Variants in ANTXR2 observed in about 807,000 individuals in gnomAD.
The protein encoded by ANTXR2 is ANTXR cell adhesion molecule 2.
ANTXR2 carries 44 observed loss-of-function variants against 73.7 expected under a neutral mutation model. That is an observed-to-expected ratio of 0.60 (90% CI 0.47 to 0.77). The LOEUF (loss-of-function observed/expected upper bound fraction) is 0.77, where lower values mean the gene tolerates loss of function less well. Ranked by LOEUF, ANTXR2 falls within the 30% of genes least tolerant of loss-of-function variation. The pLI, the probability that ANTXR2 is intolerant of heterozygous loss-of-function variation, is 0.00. For synonymous variants in ANTXR2, 217 were observed against 205.9 expected, an observed-to-expected ratio of 1.05 and a Z score of -0.46; for missense variants, 604 against 592.5, an observed-to-expected ratio of 1.02 and a Z score of -0.20.
intron 16 of ANTXR2, among the ~76,000 whole-genome samples, chr4:79,913,554 C>T (rs1727228140): frequency 1.3e-5 from 2 of 151,974 alleles, no homozygotes. Context: ...AACTTTTAAC[C>T]ACATACCCAA....
intron 4 of ANTXR2, 142 bp downstream of exon 4, chr4:80,055,790 C>T (rs949901483): frequency 3.0e-6 from 2 of 662,186 alleles, no homozygotes; most frequent in Admixed American, 3.6e-5. Flanking sequence ...TTCTACTTGT[C>T]TCAACTCTGG....
intron 16 of ANTXR2, among the ~76,000 whole-genome samples, chr4:79,975,005 T>A (rs72653279): frequency 0.07 from 10,586 of 152,280 alleles, 451 homozygotes; most frequent in Middle Eastern, 0.11. Flanking sequence ...TGCATCATTT[T>A]AAAAACTAAA....
At chr4:80,033,697 A>T (rs1263656330) in intron 8 of ANTXR2, 127 bp from the exon 9 acceptor site, 6 of 661,830 alleles carry the variant, frequency 9.1e-6, no homozygotes, top group Non-Finnish European at 1.5e-5. Context: ...AACTAATAGC[A>T]ATGAAGACAT....
chr4:80,064,492 C>T (rs1004429532), intron 3 of ANTXR2, among the ~76,000 whole-genome samples: 1 of 152,044 alleles, frequency 6.6e-6, no homozygotes, highest in Non-Finnish European at 1.5e-5. Flanking sequence ...GGGAGCAAGA[C>T]AAATGAGGAC....
chr4:79,960,857 C>T (rs972599254), intron 16 of ANTXR2, among the ~76,000 whole-genome samples: 3 of 151,706 alleles, frequency 2.0e-5, no homozygotes. Context: ...ATATTAGCTT[C>T]TATGTTATAC....
chr4:80,024,595 T>C (rs556216917), intron 10 of ANTXR2: 27 of 369,386 alleles, frequency 7.3e-5, no homozygotes, highest in African/African-American at 5.5e-4. Context: ...ACCCTGTCTA[T>C]ACAAAATGTA....
At chr4:80,058,323 T>C (rs1734095818) in intron 3 of ANTXR2, among the ~76,000 whole-genome samples, 1 of 152,054 alleles carries the variant, frequency 6.6e-6, no homozygotes, top group Non-Finnish European at 1.5e-5. Context: ...TCTGTACCTA[T>C]ACCTGCACCA....
chr4:79,976,443 T>C (rs1235465928), intron 16 of ANTXR2, among the ~76,000 whole-genome samples: 4 of 151,018 alleles, frequency 2.6e-5, no homozygotes, highest in African/African-American at 4.8e-5. Flanking sequence ...CAGGGTGCCA[T>C]GTCAGTTTGC....
In ANTXR2 at chr4:80,031,615, G is replaced by A; in HGVS notation, c.866+8C>T. On this transcript the variant is annotated splice_region_variant and intron_variant, in intron 10 of 16. Coordinates refer to ENST00000403729, the MANE Select transcript of ANTXR2 (RefSeq NM_058172.6). The stretch of plus-strand genomic sequence containing the variant: ...ATGTTATAAAATTGTTTTAAATTAA[G>A]TACTTACTCTCCAGCTTTATTCAGG... 3 of 1,486,210 alleles carry A rather than the reference G, an allele frequency of 2.0e-6. No homozygotes were observed. The highest frequency in any genetic ancestry group is 2.7e-6 in the Non-Finnish European group (3 of 1,119,310). 92.1% of individuals were successfully genotyped at this position (1,486,210 alleles called of 1,614,324 possible). A position where few individuals can be genotyped will look rare whatever the true frequency, so the allele number is the denominator to read the frequency against.
chr4:80,069,562 G>T, intron 2 of ANTXR2, 55 bp from the exon 3 acceptor site: 14 of 1,323,352 alleles, frequency 1.1e-5, no homozygotes, highest in Non-Finnish European at 1.5e-5. Flanking sequence ...ATATTGATAC[G>T]ATACAGATGT....
At chr4:80,026,764 G>T (rs1732465897) in intron 10 of ANTXR2, among the ~76,000 whole-genome samples, 1 of 152,174 alleles carries the variant, frequency 6.6e-6, no homozygotes, top group African/African-American at 2.4e-5. Context: ...CCAATGTTTG[G>T]AGAGTTAATG....
chr4:79,950,193 T>A (rs1232463194), intron 16 of ANTXR2, among the ~76,000 whole-genome samples: 1 of 152,118 alleles, frequency 6.6e-6, no homozygotes, highest in Non-Finnish European at 1.5e-5. Flanking sequence ...AACTACTATA[T>A]CATCTCTATT....
At chr4:80,066,530 T>A (rs965530526) in intron 3 of ANTXR2, among the ~76,000 whole-genome samples, 2 of 152,234 alleles carry the variant, frequency 1.3e-5, no homozygotes, top group East Asian at 1.9e-4. Flanking sequence ...ATATTATAAA[T>A]CCTTTTAAGA....
intron 7 of ANTXR2, among the ~76,000 whole-genome samples, chr4:80,041,437 C>T (rs1248511096): frequency 6.6e-6 from 1 of 151,944 alleles, no homozygotes; most frequent in Non-Finnish European, 1.5e-5. Context: ...TTAGGATCTT[C>T]TTTCCTTTTT....
intron 16 of ANTXR2, among the ~76,000 whole-genome samples, chr4:79,965,563 TA>T (rs1433185338): frequency 3.3e-5 from 5 of 152,336 alleles, no homozygotes; most frequent in Admixed American, 1.3e-4. Context: ...CCTGTATAAA[TA>T]CTTCATAAGA....
chr4:80,017,396 T>A (rs915764542), intron 11 of ANTXR2, among the ~76,000 whole-genome samples: 1 of 152,218 alleles, frequency 6.6e-6, no homozygotes, highest in African/African-American at 2.4e-5. Context: ...CCTTCTTGAC[T>A]GTTACAGCTT....
chr4:79,959,417 C>T (rs1328755850), intron 16 of ANTXR2, among the ~76,000 whole-genome samples: 1 of 152,044 alleles, frequency 6.6e-6, no homozygotes, highest in Non-Finnish European at 1.5e-5. Flanking sequence ...TCTTATGAAT[C>T]ACTAGGATCT....
chr4:80,034,014 G>A (rs920468325), intron 8 of ANTXR2, among the ~76,000 whole-genome samples: 5 of 152,016 alleles, frequency 3.3e-5, no homozygotes, highest in African/African-American at 4.8e-5. Flanking sequence ...TCGAAAAGTC[G>A]TATGTAGTAC....
chr4:79,978,640 A>C (rs1729749318), intron 14 of ANTXR2, among the ~76,000 whole-genome samples: 2 of 152,194 alleles, frequency 1.3e-5, no homozygotes, highest in Admixed American at 1.3e-4. Context: ...TCCATACAAA[A>C]ATGCAGTGAG....
Sources: gnomAD v4.1 joint callset for allele counts (sites outside exome capture counted in the v4.1 genomes callset) on GRCh38, gnomAD v4.1.1 for gene constraint, MANE v1.5 for transcripts, NCBI Gene and HGNC (gene_info 2026-07-23, HGNC 2026-07-21) for gene names.